KPNA4: variants seen among roughly 807,000 people sequenced by gnomAD.
KPNA4 encodes the protein importin subunit alpha-3.
In KPNA4, 13 loss-of-function variants were observed where a neutral mutation model predicts 71.3. The observed-to-expected ratio is 0.18, with a 90% CI of 0.12 to 0.29. The LOEUF is 0.29. Ranked by LOEUF, KPNA4 falls within the 10% of genes least tolerant of loss-of-function variation. The pLI, the probability that KPNA4 is intolerant of heterozygous loss-of-function variation, is 1.00. For missense variants in KPNA4, 334 were observed against 603.2 expected (o/e 0.55, Z 4.67); for synonymous variants, 189 against 195.2 (o/e 0.97, Z 0.26).
chr3:160,504,029 A>G (rs1018014120), intron 16 of KPNA4, among the ~76,000 whole-genome samples: 3 of 152,134 alleles, frequency 2.0e-5, no homozygotes, highest in Admixed American at 6.5e-5. Flanking sequence ...GGTTGCAGTG[A>G]GCTGTGACTG....
chr3:160,497,104 T>G lies in KPNA4; in HGVS notation c.*5000A>C, dbSNP rs1004135469. The G allele has an allele frequency of 3.9e-5, 6 of 152,222 alleles. No homozygotes were observed. Among genetic ancestry groups the G allele is most frequent in the Non-Finnish European group, 7.3e-5 (5 of 68,046 alleles). The allele number at this position is 152,222 out of a possible 1,614,324, so 9.4% of individuals were successfully genotyped here. Reference sequence around the variant, plus strand: ...ATAGTTTTACCAATGTTCATTATTTTTCAACTTCCTTTATTAAGAATTAAG... The same window carrying G: ...ATAGTTTTACCAATGTTCATTATTTGTCAACTTCCTTTATTAAGAATTAAG... On this transcript the variant is annotated 3_prime_UTR_variant, in exon 17 of 17. Coordinates refer to ENST00000334256, the MANE Select transcript of KPNA4 (RefSeq NM_002268.5).
At chr3:160,512,746 C>A (rs779232651) in intron 13 of KPNA4, among the ~76,000 whole-genome samples, 3 of 151,970 alleles carry the variant, frequency 2.0e-5, no homozygotes, top group African/African-American at 7.3e-5. Flanking sequence ...GCGCAAGAAT[C>A]GCCTAAACCC....
In KPNA4 at chr3:160,515,555, T is replaced by G; in HGVS notation, c.929A>C (p.Asn310Thr). 6.2e-7 allele frequency: 1 copy of G among 1,613,844 alleles called. No homozygotes were observed. The highest frequency in any genetic ancestry group is 8.5e-7 in the Non-Finnish European group (1 of 1,179,774). ...VQTAALRAVG[N>T]IVTGTDEQTQ... ...TTGCTCATCAGTTCCAGTAACAATGTTGCCCACAGCTCTAAGTGCAGCAGT... is the reference window on the plus strand; with the variant it reads ...TTGCTCATCAGTTCCAGTAACAATGGTGCCCACAGCTCTAAGTGCAGCAGT... The change falls in exon 12 of 17, where the codon AAC becomes ACC. Residue 310 changes from asparagine to threonine, a missense_variant. Physicochemically the swap from Asn to Thr is moderately conservative, Grantham distance 65 (BLOSUM62 0). Transcript: ENST00000334256.
intron 10 of KPNA4, among the ~76,000 whole-genome samples, chr3:160,523,729 T>C (rs1721404816): frequency 6.6e-6 from 1 of 151,974 alleles, no homozygotes; most frequent in African/African-American, 2.4e-5. Context: ...CGGGCATCTG[T>C]AAACCCAGCT....
In KPNA4 at chr3:160,539,401, A is replaced by C. The variant is rs141783498; in HGVS notation, c.70-2561T>G. On this transcript the variant is annotated intron_variant, in intron 1 of 16. Coordinates refer to ENST00000334256, the MANE Select transcript of KPNA4 (RefSeq NM_002268.5). Reference sequence around the variant, plus strand: ...TAGCCTTATGAGGTAAGAATAAAACAACCCTTTATTTCTTTTTAAAAATAA... The same window carrying C: ...TAGCCTTATGAGGTAAGAATAAAACCACCCTTTATTTCTTTTTAAAAATAA... Among the ~76,000 whole-genome samples the C allele has an allele frequency of 2.0e-5, 3 of 152,354 alleles. No individual in the cohort carries two copies. The East Asian group carries it at 5.8e-4, about 29-fold the overall frequency.
intron 1 of KPNA4, among the ~76,000 whole-genome samples, chr3:160,539,426 A>G (rs1231274190): frequency 6.6e-6 from 1 of 152,228 alleles, no homozygotes; most frequent in African/African-American, 2.4e-5. Context: ...TTTAAAAATA[A>G]GAAAACTGAG....
At chr3:160,539,998 C>CTT (rs376611861) in intron 1 of KPNA4, among the ~76,000 whole-genome samples, 1,574 of 129,278 alleles carry the variant, frequency 0.012, 18 homozygotes, top group Non-Finnish European at 0.017. Flanking sequence ...TTTTTCTTTT[C>CTT]TTTTTTTTTT....
At chr3:160,505,974 T>C (rs534335632) in intron 15 of KPNA4, among the ~76,000 whole-genome samples, 2 of 152,290 alleles carry the variant, frequency 1.3e-5, no homozygotes, top group African/African-American at 2.4e-5. Flanking sequence ...CATCCTACAG[T>C]TGTATTCTTA....
intron 2 of KPNA4, 71 bp downstream of exon 2, chr3:160,536,725 G>A: frequency 1.3e-6 from 1 of 745,948 alleles, no homozygotes; most frequent in Non-Finnish European, 2.1e-6. Context: ...ATATATATTT[G>A]GCATCTTGTA....
intron 14 of KPNA4, among the ~76,000 whole-genome samples, chr3:160,509,498 T>G (rs555185961): frequency 6.6e-6 from 1 of 152,332 alleles, no homozygotes; most frequent in South Asian, 2.1e-4. Flanking sequence ...AAAAGAACAC[T>G]TCTATGAAGT....
At chr3:160,515,766 G>C (rs990809560) in intron 11 of KPNA4, among the ~76,000 whole-genome samples, 186 bp from the exon 12 acceptor site, 2 of 151,760 alleles carry the variant, frequency 1.3e-5, no homozygotes, top group African/African-American at 2.4e-5. Context: ...AGCAGTGCAC[G>C]ACCCTGTCCG....
intron 1 of KPNA4, among the ~76,000 whole-genome samples, chr3:160,537,443 A>T (rs1721712557): frequency 6.6e-6 from 1 of 151,678 alleles, no homozygotes; most frequent in African/African-American, 2.4e-5. Context: ...TTTCTATGGC[A>T]CACCATGGCC....
chr3:160,502,977 G>A (rs1186504651), intron 16 of KPNA4, among the ~76,000 whole-genome samples: 1 of 152,122 alleles, frequency 6.6e-6, no homozygotes, highest in Non-Finnish European at 1.5e-5. Context: ...TGGGCATGGT[G>A]GCATGCGCCT....
Position 160,538,557 on chromosome 3 carries a change from T to C in KPNA4, c.70-1717A>G, listed in dbSNP as rs555925273. 2.0e-5 allele frequency among the ~76,000 whole-genome samples: 3 copies of C among 152,240 alleles called. No homozygotes were observed. In the South Asian group the frequency reaches 6.2e-4, roughly 32 times the overall value. On this transcript the variant is annotated intron_variant, in intron 1 of 16. Coordinates refer to ENST00000334256, the MANE Select transcript of KPNA4 (RefSeq NM_002268.5). The stretch of plus-strand genomic sequence containing the variant: ...AAAGGTCCAAGGAATCAGTAAAAAA[T>C]ATTTTGTAAAAAGTCAGATCATATC...
rs1721896295 is a variant in KPNA4 at position 160,545,930 on chromosome 3, A to C, written c.70-9090T>G. Among the ~76,000 whole-genome samples the C allele has an allele frequency of 3.9e-5, 6 of 152,220 alleles. No homozygotes were observed. The South Asian group carries it at 1.2e-3, about 32-fold the overall frequency. The stretch of plus-strand genomic sequence containing the variant: ...CAAACAACTGAAGGATGGAACTGCC[A>C]TTTACTGAGATGGGGCAGACTGACT... On this transcript the variant is annotated intron_variant, in intron 1 of 16. Transcript: ENST00000334256.
chr3:160,543,231 G>T (rs931766925), intron 1 of KPNA4, among the ~76,000 whole-genome samples: 3 of 152,094 alleles, frequency 2.0e-5, no homozygotes. Context: ...ACTAGTCCCA[G>T]CTCTACCTTT....
chr3:160,509,968 G>A lies in KPNA4; in HGVS notation c.1138-97C>T, dbSNP rs970508654. 6.4e-6 allele frequency: 5 copies of A among 782,110 alleles called. No homozygotes were observed. In the Admixed American group the frequency reaches 1.0e-4, roughly 16 times the overall value. The allele number at this position is 782,110 out of a possible 1,614,324, so 48.4% of individuals were successfully genotyped here. ...GATTTTTCAACTGCTTATTTCCCAAGGTCTCCTTTTAGTCTTTCTGTATAT... is the reference window on the plus strand; with the variant it reads ...GATTTTTCAACTGCTTATTTCCCAAAGTCTCCTTTTAGTCTTTCTGTATAT... On this transcript the variant is annotated intron_variant, in intron 13 of 16. Transcript: ENST00000334256.
chr3:160,508,321 C>A, intron 14 of KPNA4, 52 bp from the exon 15 acceptor site: 1 of 1,288,958 alleles, frequency 7.8e-7, no homozygotes, highest in African/African-American at 1.5e-5. Context: ...ACTTTGTGTG[C>A]CATGTTATCT....
At chr3:160,553,455 A>C (rs1722079206) in intron 1 of KPNA4, among the ~76,000 whole-genome samples, 1 of 152,216 alleles carries the variant, frequency 6.6e-6, no homozygotes, top group Admixed American at 6.5e-5. Flanking sequence ...TAGCAAGGGA[A>C]AATAAAACTT....
Sources: allele counts gnomAD v4.1 joint callset (sites outside exome capture counted in the v4.1 genomes callset), GRCh38; gene constraint gnomAD v4.1.1; transcripts MANE v1.5; gene names NCBI Gene and HGNC (gene_info 2026-07-23, HGNC 2026-07-21).